BRWD1: variants seen among roughly 807,000 people sequenced by gnomAD.
The protein encoded by BRWD1 is bromodomain and WD repeat-containing protein 1.
In BRWD1, 82 loss-of-function variants were observed where a neutral mutation model predicts 251.2. That is an observed-to-expected ratio of 0.33 (90% CI 0.27 to 0.39). The LOEUF (loss-of-function observed/expected upper bound fraction) is 0.39. Ranked by LOEUF, BRWD1 falls within the 10% of genes least tolerant of loss-of-function variation. The pLI, the probability that BRWD1 is intolerant of heterozygous loss-of-function variation, is 1.00. For missense variants in BRWD1, 2,233 were observed against 2,711.6 expected (o/e 0.82, Z 3.92); for synonymous variants, 918 against 902.8 (o/e 1.02, Z -0.30).
chr21:39,309,843 A>AAAAGG (rs1243510663), intron 4 of BRWD1, among the ~76,000 whole-genome samples: 64 of 151,776 alleles, frequency 4.2e-4, no homozygotes, highest in African/African-American at 1.4e-3. Context: ...AAAAAAAAAA[A>AAAAGG]AGACACCCAG....
Position 39,298,185 on chromosome 21 carries a change from C to A in BRWD1, c.349+247G>T, listed in dbSNP as rs1393023372. 11 of 1,137,738 alleles carry A rather than the reference C, an allele frequency of 9.7e-6. No homozygotes were observed. In the African/African-American group the frequency reaches 1.4e-4, roughly 15 times the overall value. 70.5% of individuals were successfully genotyped at this position (1,137,738 alleles called of 1,614,324 possible). The stretch of plus-strand genomic sequence containing the variant: ...ACATTGATAAAACCTCAAACAACAT[C>A]TCAGAATAAATTCAAGCTTTTTAGC... On this transcript the variant is annotated intron_variant, in intron 5 of 40. Coordinates refer to ENST00000342449, the MANE Select transcript of BRWD1 (RefSeq NM_033656.4).
At chr21:39,314,410 C>G (rs1257299186), upstream of BRWD1, 1 of 446,782 alleles carries the variant, frequency 2.2e-6, no homozygotes, top group South Asian at 1.6e-5. Flanking sequence ...CTGGATCCAT[C>G]CAAGCATGGA....
At chr21:39,307,812 A>T (rs543541578) in intron 4 of BRWD1, among the ~76,000 whole-genome samples, 2 of 152,326 alleles carry the variant, frequency 1.3e-5, no homozygotes, top group Admixed American at 6.5e-5. Flanking sequence ...TTCACAGTGG[A>T]ACTCTAAAAG....
chr21:39,314,171 G>T (rs1368079041), upstream of BRWD1: 6 of 455,864 alleles, frequency 1.3e-5, no homozygotes, highest in Non-Finnish European at 2.6e-5. Flanking sequence ...TTAAAGTGAG[G>T]ATTGGCTCGC....
chr21:39,217,309 T>G (rs1005253618), intron 31 of BRWD1: 1 of 154,390 alleles, frequency 6.5e-6, no homozygotes, highest in African/African-American at 2.4e-5. Context: ...TTGGCCAGGC[T>G]GGTCTCAAAC....
Position 39,247,314 on chromosome 21 carries a change from A to G in BRWD1, c.2481+387T>C, listed in dbSNP as rs1430344061. ...TACCCCTTATCCAGAACGCTGGGGA[A>G]TAGAATTGTTTCAGATTTCGTATTT... On this transcript the variant is annotated intron_variant, in intron 21 of 40. Coordinates refer to ENST00000342449, the MANE Select transcript of BRWD1 (RefSeq NM_033656.4). 1.3e-4 allele frequency among the ~76,000 whole-genome samples: 20 copies of G among 152,208 alleles called. 1 individual carries two copies. Among genetic ancestry groups the G allele is most frequent in the Admixed American group, 1.3e-3 (20 of 15,274 alleles).
At position 39,258,611 on chromosome 21, in the gene BRWD1, G is replaced by A. The variant is rs752785659; in HGVS notation, c.1947C>T (p.Ser649=). 5 of 1,612,230 alleles carry A rather than the reference G, an allele frequency of 3.1e-6. No individual in the cohort carries two copies. The highest frequency in any genetic ancestry group is 3.4e-6 in the Non-Finnish European group (4 of 1,179,022). The change falls in exon 18 of 41, where the codon AGC becomes AGT. Residue 649 remains serine, a synonymous_variant. Transcript: ENST00000342449. The part of the protein sequence containing the change: ...SLQTNDNDER[S]PESSILDGMI... ...TTCCATCAAGAATACTCGATTCTGGGCTGCGTTCATCATTATCATTGGTTT... is the reference window on the plus strand; with the variant it reads ...TTCCATCAAGAATACTCGATTCTGGACTGCGTTCATCATTATCATTGGTTT...
Position 39,192,342 on chromosome 21 carries a change from C to T in BRWD1, c.*3917G>A. ...GTTGGACTCAGTTTTTCCCACAATG[C>T]TCTATTTTCTCACCTAGTTTTGACA... On this transcript the variant is annotated 3_prime_UTR_variant, in exon 41 of 41. Transcript: ENST00000342449. 1 of 985,208 alleles carries T rather than the reference C, an allele frequency of 1.0e-6. No homozygotes were observed. Among genetic ancestry groups the T allele is most frequent in the Non-Finnish European group, 1.2e-6 (1 of 829,812 alleles). 61.0% of individuals were successfully genotyped at this position (985,208 alleles called of 1,614,324 possible).
chr21:39,313,606 GCC>G lies in BRWD1; in HGVS notation c.-117_-116del. On this transcript the variant is annotated 5_prime_UTR_variant, in exon 1 of 41. An upstream open reading frame in the 5' UTR loses its in-frame stop. Transcript: ENST00000342449. ...TCAGGCGCGCGCCGCCGCCGCCGCC[GCC>G]GCCGCCATACCGTGCGCGCCGCCTG... The G allele has an allele frequency of 1.2e-6, 1 of 848,938 alleles. No individual in the cohort carries two copies. The highest frequency in any genetic ancestry group is 1.6e-6 in the Non-Finnish European group (1 of 640,606). The allele number at this position is 848,938 out of a possible 1,614,324, so 52.6% of individuals were successfully genotyped here.
chr21:39,213,637 A>C lies in BRWD1; in HGVS notation c.3786-84T>G, dbSNP rs963467085. The C allele has an allele frequency of 5.5e-6, 5 of 905,698 alleles. No individual in the cohort carries two copies. In the African/African-American group the frequency reaches 6.7e-5, roughly 12 times the overall value. 56.1% of individuals were successfully genotyped at this position (905,698 alleles called of 1,614,324 possible). The stretch of plus-strand genomic sequence containing the variant: ...TCAAATTATACATTAAAATATAAAC[A>C]GTTCACCAACCTATACGTGCCTAAT... On this transcript the variant is annotated intron_variant, in intron 32 of 40. Coordinates refer to ENST00000342449, the MANE Select transcript of BRWD1 (RefSeq NM_033656.4).
chr21:39,191,054 G>T lies in BRWD1; in HGVS notation c.*5205C>A. 3 of 985,050 alleles carry T rather than the reference G, an allele frequency of 3.0e-6. No homozygotes were observed. Among genetic ancestry groups the T allele is most frequent in the Non-Finnish European group, 3.6e-6 (3 of 829,718 alleles). 61.0% of individuals were successfully genotyped at this position (985,050 alleles called of 1,614,324 possible). ...CCTTATTTTGAAATATGAATTCAGG[G>T]ACTTTATACTTAACTGCTTAATTTG... On this transcript the variant is annotated 3_prime_UTR_variant, in exon 41 of 41. Transcript: ENST00000342449.
At chr21:39,231,014 A>G (rs1601335312) in intron 25 of BRWD1, among the ~76,000 whole-genome samples, 2 of 152,208 alleles carry the variant, frequency 1.3e-5, no homozygotes, top group South Asian at 4.1e-4. Flanking sequence ...ACTTAGGTAC[A>G]CAGTCCTAAG....
intron 25 of BRWD1, among the ~76,000 whole-genome samples, chr21:39,230,432 G>C (rs1481861568): frequency 6.6e-6 from 1 of 152,146 alleles, no homozygotes; most frequent in Non-Finnish European, 1.5e-5. Flanking sequence ...TAGTCACCTA[G>C]AACACTGAAA....
intron 15 of BRWD1, among the ~76,000 whole-genome samples, chr21:39,266,722 C>A (rs1228069557): frequency 1.3e-5 from 2 of 152,190 alleles, no homozygotes; most frequent in Non-Finnish European, 2.9e-5. Context: ...AGAAAAATGT[C>A]ACATTAAAGT....
rs763688528 is a variant in BRWD1, at chr21:39,313,224, C to T, written c.108+17G>A. The stretch of plus-strand genomic sequence containing the variant: ...TGGGGACGCCAAGTCCGCAGCCGCC[C>T]GCGGGCCCGCACTCACCTGGGCCGC... On this transcript the variant is annotated intron_variant, in intron 2 of 40. Coordinates refer to ENST00000342449, the MANE Select transcript of BRWD1 (RefSeq NM_033656.4). The T allele has an allele frequency of 3.0e-5, 46 of 1,525,116 alleles. No homozygotes were observed. In the South Asian group the frequency reaches 4.7e-4, roughly 15 times the overall value. 94.5% of individuals were successfully genotyped at this position (1,525,116 alleles called of 1,614,324 possible).
chr21:39,242,342 A>C (rs2034031922), intron 21 of BRWD1, among the ~76,000 whole-genome samples: 1 of 152,244 alleles, frequency 6.6e-6, no homozygotes, highest in Non-Finnish European at 1.5e-5. Flanking sequence ...GCCAAAGCTT[A>C]ACCCAGAGCA....
At chr21:39,271,692 G>A (rs1460555252) in intron 13 of BRWD1, among the ~76,000 whole-genome samples, 35 of 49,906 alleles carry the variant, frequency 7.0e-4, no homozygotes, top group African/African-American at 3.0e-3. Context: ...GCAAGACTCC[G>A]TCTCAAAAAA....
intron 21 of BRWD1, among the ~76,000 whole-genome samples, chr21:39,239,171 A>T (rs2146574614): frequency 6.6e-6 from 1 of 152,240 alleles, no homozygotes; most frequent in South Asian, 2.1e-4. Context: ...TTCCCAAAGC[A>T]GTTTTCATTT....
intron 7 of BRWD1, 114 bp from the exon 8 acceptor site, chr21:39,294,146 ACT>A (rs933633757): frequency 4.2e-5 from 32 of 755,800 alleles, no homozygotes; most frequent in African/African-American, 1.1e-4. Flanking sequence ...ACTATAGAAT[ACT>A]CTCTTATTTA....
Sources: gnomAD v4.1 joint callset for allele counts (sites outside exome capture counted in the v4.1 genomes callset) on GRCh38, gnomAD v4.1.1 for gene constraint, MANE v1.5 for transcripts, NCBI Gene and HGNC (gene_info 2026-07-23, HGNC 2026-07-21) for gene names.